Variants in SNAP23 observed in about 807,000 individuals in gnomAD.
SNAP23 encodes synaptosome associated protein 23.
SNAP23 carries 11 observed loss-of-function variants against 29.0 expected under a neutral mutation model. That is an observed-to-expected ratio of 0.38 (90% CI 0.24 to 0.63). The LOEUF (loss-of-function observed/expected upper bound fraction) is 0.63. SNAP23 is among the 20% of genes least tolerant of loss of function. SNAP23 has a pLI of 0.58. For missense variants in SNAP23, 220 were observed against 253.9 expected (o/e 0.87, Z 0.91); for synonymous variants, 60 against 82.9 (o/e 0.72, Z 1.50).
At chr15:42,518,547 G>A (rs1347245582) in intron 5 of SNAP23, among the ~76,000 whole-genome samples, 2 of 150,152 alleles carry the variant, frequency 1.3e-5, no homozygotes, top group Non-Finnish European at 3.0e-5. Flanking sequence ...AGCCTCCTGA[G>A]TAGCTGGGAT....
intron 5 of SNAP23, among the ~76,000 whole-genome samples, chr15:42,527,560 A>G (rs1423191860): frequency 2.0e-5 from 3 of 151,636 alleles, no homozygotes; most frequent in South Asian, 2.1e-4. Context: ...TAATGTTTGT[A>G]TTTTTTTATA....
chr15:42,499,641 A>G (rs971763383), intron 1 of SNAP23, among the ~76,000 whole-genome samples: 2 of 152,240 alleles, frequency 1.3e-5, no homozygotes, highest in Non-Finnish European at 2.9e-5. Flanking sequence ...TATAATAAAT[A>G]CATAACTATT....
chr15:42,513,130 C>A, intron 3 of SNAP23, 134 bp downstream of exon 3: 1 of 797,276 alleles, frequency 1.3e-6, no homozygotes, highest in Non-Finnish European at 2.2e-6. Flanking sequence ...GCTGAAATGT[C>A]AAACCATGCA....
At chr15:42,526,838 A>AT (rs1379818329) in intron 5 of SNAP23, among the ~76,000 whole-genome samples, 15,770 of 137,578 alleles carry the variant, frequency 0.11, 1,054 homozygotes, top group Non-Finnish European at 0.16. Flanking sequence ...TAGACTTATG[A>AT]TTTTTTTTTT....
rs2057568215 is a variant in SNAP23, at chr15:42,531,775, G to T, written c.*297G>T. ...CTTCAGCAGGTTCTTTTGCTTTCAA[G>T]ATTTGGAAGCATTGCCAAAGACAGC... On this transcript the variant is annotated 3_prime_UTR_variant, in exon 8 of 8. Coordinates refer to ENST00000249647, the MANE Select transcript of SNAP23 (RefSeq NM_003825.4). The T allele has an allele frequency of 8.9e-6, 2 of 223,660 alleles. No homozygotes were observed. Among genetic ancestry groups the T allele is most frequent in the South Asian group, 3.4e-4 (2 of 5,850 alleles). The allele number at this position is 223,660 out of a possible 1,614,324, so 13.9% of individuals were successfully genotyped here.
At chr15:42,519,951 T>C (rs182318837) in intron 5 of SNAP23, among the ~76,000 whole-genome samples, 1 of 152,156 alleles carries the variant, frequency 6.6e-6, no homozygotes, top group Admixed American at 6.5e-5. Context: ...GTAGCCTTAA[T>C]ATGAGATAGA....
intron 1 of SNAP23, among the ~76,000 whole-genome samples, chr15:42,507,889 A>AT (rs111394697): frequency 3.3e-5 from 5 of 151,418 alleles, no homozygotes; most frequent in African/African-American, 7.3e-5. Flanking sequence ...TTATAGGTAA[A>AT]TTTTTTTTTC....
In SNAP23 at chr15:42,529,659, T is replaced by C. The variant is rs367608664; in HGVS notation, c.426-16T>C. The C allele has an allele frequency of 3.7e-6, 6 of 1,607,622 alleles. No individual in the cohort carries two copies. The South Asian group carries it at 4.5e-5, about 12-fold the overall frequency. On this transcript the variant is annotated splice_polypyrimidine_tract_variant and intron_variant, in intron 6 of 7. Transcript: ENST00000249647. ...ATTCAACAAAACCTATGGAATTAAC[T>C]GTCTTCTTGTGATAGCATAACTAAT... is the stretch of plus-strand genomic sequence containing the variant.
At chr15:42,504,278 T>G (rs1333902290) in intron 1 of SNAP23, among the ~76,000 whole-genome samples, 1 of 151,958 alleles carries the variant, frequency 6.6e-6, no homozygotes, top group Admixed American at 6.6e-5. Context: ...GGGGCAGAGG[T>G]TGCAGTGACC....
intron 1 of SNAP23, among the ~76,000 whole-genome samples, chr15:42,496,879 G>A (rs2057223873): frequency 6.6e-6 from 1 of 152,126 alleles, no homozygotes; most frequent in African/African-American, 2.4e-5. Context: ...AGGATGGCAG[G>A]AGAGAGACAG....
At chr15:42,504,436 T>C (rs1303523996) in intron 1 of SNAP23, among the ~76,000 whole-genome samples, 1 of 152,244 alleles carries the variant, frequency 6.6e-6, no homozygotes, top group Non-Finnish European at 1.5e-5. Context: ...TCAACTTTAA[T>C]ATTCAAATTT....
chr15:42,509,041 G>T (rs1437825047), intron 1 of SNAP23, among the ~76,000 whole-genome samples: 2 of 152,072 alleles, frequency 1.3e-5, no homozygotes, highest in Non-Finnish European at 2.9e-5. Flanking sequence ...TCTCGGTTGG[G>T]GCTTTAGGAA....
chr15:42,497,761 T>C (rs1035146448), intron 1 of SNAP23, among the ~76,000 whole-genome samples: 1 of 152,160 alleles, frequency 6.6e-6, no homozygotes, highest in Non-Finnish European at 1.5e-5. Context: ...GTCCAAAGTC[T>C]CATCTGAGAC....
At chr15:42,517,268 AT>A (rs2057404933) in intron 5 of SNAP23, among the ~76,000 whole-genome samples, 1 of 152,222 alleles carries the variant, frequency 6.6e-6, no homozygotes, top group Non-Finnish European at 1.5e-5. Context: ...AGTTTAGCAG[AT>A]TACTTTAAGC....
In SNAP23 at chr15:42,515,020, C is replaced by T. The variant is rs928967202; in HGVS notation, c.149-217C>T. Among the ~76,000 whole-genome samples the T allele has an allele frequency of 3.3e-5, 5 of 152,124 alleles. 1 individual carries two copies. In the South Asian group the frequency reaches 8.3e-4, roughly 25 times the overall value. On this transcript the variant is annotated intron_variant, in intron 4 of 7. Transcript: ENST00000249647. ...CCAGCCATATACAAGCTTTTTAGAA[C>T]AAATTTTTCCACAGCAAGAGGCTAG...
intron 1 of SNAP23, among the ~76,000 whole-genome samples, chr15:42,504,721 C>T (rs1012294466): frequency 1.3e-5 from 2 of 152,104 alleles, no homozygotes; most frequent in Admixed American, 6.5e-5. Flanking sequence ...ATACAGAAAC[C>T]GAGTTTTAGT....
intron 5 of SNAP23, chr15:42,522,051 T>A (rs2057453656): frequency 6.3e-6 from 1 of 159,830 alleles, no homozygotes; most frequent in Non-Finnish European, 1.4e-5. Flanking sequence ...TCTGTCTTCA[T>A]AGACTTTGAT....
Position 42,520,789 on chromosome 15 carries a change from C to T in SNAP23, c.266+5435C>T, listed in dbSNP as rs1445109762. 5.9e-5 allele frequency among the ~76,000 whole-genome samples: 9 copies of T among 152,344 alleles called. 1 individual carries two copies. The South Asian group carries it at 1.2e-3, about 21-fold the overall frequency. ...GATTACAGGCGTGAGCCACCACACC[C>T]GGCCTTAAACATTCTTAGATAAGGT... On this transcript the variant is annotated intron_variant, in intron 5 of 7. Transcript: ENST00000249647.
intron 1 of SNAP23, among the ~76,000 whole-genome samples, chr15:42,502,119 C>G (rs564169484): frequency 2.8e-3 from 422 of 151,740 alleles, no homozygotes; most frequent in African/African-American, 9.6e-3. Context: ...GCTCTGCCTC[C>G]CAGGTTCACG....
Sources: allele counts gnomAD v4.1 joint callset (sites outside exome capture counted in the v4.1 genomes callset), GRCh38; gene constraint gnomAD v4.1.1; transcripts MANE v1.5; gene names NCBI Gene and HGNC (gene_info 2026-07-23, HGNC 2026-07-21).